The following ZZEF1 variants were observed in gnomAD, a reference collection of about 807,000 sequenced individuals.
The protein encoded by ZZEF1 is zinc finger ZZ-type and EF-hand domain-containing protein 1.
ZZEF1 carries 157 observed loss-of-function variants against 342.8 expected under a neutral mutation model. The observed-to-expected ratio is 0.46, with a 90% CI of 0.40 to 0.52. The LOEUF (loss-of-function observed/expected upper bound fraction) is 0.52, where lower values mean the gene tolerates loss of function less well. Ranked by LOEUF, ZZEF1 falls within the 20% of genes least tolerant of loss-of-function variation. The pLI is 0.00. For synonymous variants in ZZEF1, 1,505 were observed against 1,429.1 expected (o/e 1.05, Z -1.20); for missense variants, 3,480 against 3,725.6 (o/e 0.93, Z 1.72).
chr17:4,010,750 A>G (rs1030707987), intron 52 of ZZEF1, among the ~76,000 whole-genome samples: 3 of 151,048 alleles, frequency 2.0e-5, no homozygotes, highest in Non-Finnish European at 3.0e-5. Flanking sequence ...AAGAAAAAAG[A>G]AAAAAAGCAA....
In ZZEF1 at chr17:4,072,764, G is replaced by A. The variant is rs757154608; in HGVS notation, c.3686-8C>T. On this transcript the variant is annotated splice_region_variant and splice_polypyrimidine_tract_variant and intron_variant, in intron 24 of 54. Coordinates refer to ENST00000381638, the MANE Select transcript of ZZEF1 (RefSeq NM_015113.4). ...CCATGTTACTTCCTAACTCTAGAAAGAGAAGAAGACATATGACAGTTCTAT... is the reference window on the plus strand; with the variant it reads ...CCATGTTACTTCCTAACTCTAGAAAAAGAAGAAGACATATGACAGTTCTAT... 1.2e-6 allele frequency: 2 copies of A among 1,607,216 alleles called. No homozygotes were observed. The highest frequency in any genetic ancestry group is 1.7e-5 in the Admixed American group (1 of 59,164).
intron 2 of ZZEF1, among the ~76,000 whole-genome samples, chr17:4,121,575 G>A (rs534753361): frequency 6.6e-6 from 1 of 152,260 alleles, no homozygotes; most frequent in Non-Finnish European, 1.5e-5. Flanking sequence ...GCAGTGAATG[G>A]AGATCCCACT....
At chr17:4,068,599 A>T (rs190382926) in intron 26 of ZZEF1, among the ~76,000 whole-genome samples, 4 of 152,256 alleles carry the variant, frequency 2.6e-5, no homozygotes, top group East Asian at 3.9e-4. Flanking sequence ...AACAAAAAAA[A>T]TTTTTAAAGA....
chr17:4,009,654 G>A lies in ZZEF1; in HGVS notation c.8683C>T (p.Leu2895=). 1 of 1,614,088 alleles carries A rather than the reference G, an allele frequency of 6.2e-7. No homozygotes were observed. Among genetic ancestry groups the A allele is most frequent in the Non-Finnish European group, 8.5e-7 (1 of 1,180,028 alleles). ...AAGAGCTCAGTGAGGGCACGATGCA[G>A]GGGAAGGAGGATGCCGGGCTGCGTC... ...DVTQPGILLP[L]HRALTELFFV... is the part of the protein sequence containing the mutation. The change falls in exon 53 of 55, where the codon CTG becomes TTG. Residue 2895 remains leucine, a synonymous_variant. Coordinates refer to ENST00000381638, the MANE Select transcript of ZZEF1 (RefSeq NM_015113.4).
chr17:4,044,124 G>A (rs1224684329), intron 38 of ZZEF1, 100 bp downstream of exon 38: 13 of 1,348,306 alleles, frequency 9.6e-6, no homozygotes, highest in Middle Eastern at 1.9e-4. Flanking sequence ...CACCCCTGGC[G>A]TCTAGCCAAT....
At position 4,005,712 on chromosome 17, in the gene ZZEF1, T is replaced by G. The variant is rs2055786525; in HGVS notation, c.*1178A>C. ...TTGGCCTTGGTGGTGGGGCCCCTTC[T>G]CTGGCTCTGGCACTGTGTGGTGGGA... On this transcript the variant is annotated 3_prime_UTR_variant, in exon 55 of 55. Transcript: ENST00000381638. 1 of 152,068 alleles carries G rather than the reference T, an allele frequency of 6.6e-6. No individual in the cohort carries two copies. Among genetic ancestry groups the G allele is most frequent in the African/African-American group, 2.4e-5 (1 of 41,440 alleles). The allele number at this position is 152,068 out of a possible 1,614,324, so 9.4% of individuals were successfully genotyped here. A position where few individuals can be genotyped will look rare whatever the true frequency, so the allele number is the denominator to read the frequency against.
chr17:4,115,603 C>G (rs1017035623), intron 3 of ZZEF1, among the ~76,000 whole-genome samples: 1 of 152,086 alleles, frequency 6.6e-6, no homozygotes, highest in Admixed American at 6.5e-5. Context: ...GTGAAGGTTT[C>G]GGTGAGCCGG....
chr17:4,066,564 C>T (rs1316430197), intron 27 of ZZEF1, 24 bp from the exon 28 acceptor site: 1 of 1,609,116 alleles, frequency 6.2e-7, no homozygotes, highest in South Asian at 1.1e-5. Context: ...TGAGCCACAT[C>T]ATTATGCTGT....
At chr17:4,010,596 G>T (rs992868688) in intron 52 of ZZEF1, among the ~76,000 whole-genome samples, 3 of 150,696 alleles carry the variant, frequency 2.0e-5, no homozygotes, top group African/African-American at 7.3e-5. Flanking sequence ...GTGGTGGTGG[G>T]CGCCTGTAAT....
intron 1 of ZZEF1, 26 bp downstream of exon 1, chr17:4,142,516 C>A (rs771236854): frequency 6.3e-7 from 1 of 1,586,894 alleles, no homozygotes; most frequent in Admixed American, 1.7e-5. Flanking sequence ...CCTGCCCCAT[C>A]CCCGCAGTCG....
rs777288510 is a variant in ZZEF1 at position 4,076,662 on chromosome 17, C to T, written c.3209G>A (p.Ser1070Asn). ...CTTCCTCAGTCCTCCTTCGGGGCCA[C>T]TACAGAGCTTCTTCAGGAGTTCTGT... Reference protein sequence around the residue: ...VLTELLKKLCSGPEGGLRKLD... With the variant: ...VLTELLKKLCNGPEGGLRKLD... The change falls in exon 21 of 55, where the codon AGT becomes AAT. Residue 1070 changes from serine to asparagine, a missense_variant. Physicochemically the swap from Ser to Asn is conservative, Grantham distance 46. This residue lies in a region of ZZEF1 where 1,528 missense variants were observed against 1,624.1 expected (regional missense o/e 0.94). Coordinates refer to ENST00000381638, the MANE Select transcript of ZZEF1 (RefSeq NM_015113.4). The T allele has an allele frequency of 1.9e-6, 3 of 1,612,764 alleles. No individual in the cohort carries two copies. The highest frequency in any genetic ancestry group is 2.5e-6 in the Non-Finnish European group (3 of 1,179,188).
rs2057824992 is a variant in ZZEF1 at position 4,086,375 on chromosome 17, GGCA to G, written c.2512+108_2512+110del. ...TCCCTTTCTGGGGGATTCCCACAGC[GGCA>G]ATCCCTTTCTGGCTCGCATCATCGT... On this transcript the variant is annotated intron_variant, in intron 15 of 54. Transcript: ENST00000381638. The G allele has an allele frequency of 8.9e-4, 36 of 40,348 alleles. 2 individuals carry two copies. The South Asian group carries it at 9.7e-3, about 11-fold the overall frequency. The allele number at this position is 40,348 out of a possible 1,614,324, so 2.5% of individuals were successfully genotyped here.
intron 26 of ZZEF1, among the ~76,000 whole-genome samples, chr17:4,068,665 A>G (rs956333396): frequency 1.3e-5 from 2 of 152,216 alleles, no homozygotes; most frequent in African/African-American, 4.8e-5. Context: ...ATAATATACT[A>G]GAACAGCATG....
chr17:4,028,080 T>G (rs958078928), intron 42 of ZZEF1, among the ~76,000 whole-genome samples: 6 of 152,218 alleles, frequency 3.9e-5, no homozygotes. Flanking sequence ...AATGTTGTTC[T>G]AGGGTTTACA....
intron 46 of ZZEF1, among the ~76,000 whole-genome samples, chr17:4,018,408 C>T (rs2056174500): frequency 6.6e-6 from 1 of 152,046 alleles, no homozygotes; most frequent in African/African-American, 2.4e-5. Flanking sequence ...TACCACCATG[C>T]CTGGACTCCC....
chr17:4,023,124 T>C (rs772120568), intron 43 of ZZEF1, among the ~76,000 whole-genome samples: 2 of 152,244 alleles, frequency 1.3e-5, no homozygotes, highest in Non-Finnish European at 2.9e-5. Flanking sequence ...GGAGGTGTTC[T>C]TTCTGCTCCT....
intron 29 of ZZEF1, among the ~76,000 whole-genome samples, chr17:4,063,942 G>T (rs2057336289): frequency 6.6e-6 from 1 of 151,784 alleles, no homozygotes; most frequent in African/African-American, 2.4e-5. Flanking sequence ...TGGCCAGGCA[G>T]GTCTCGAACA....
chr17:4,031,918 A>G (rs2056557323), intron 42 of ZZEF1, among the ~76,000 whole-genome samples: 1 of 152,190 alleles, frequency 6.6e-6, no homozygotes, highest in East Asian at 1.9e-4. Flanking sequence ...CATATACACA[A>G]AAAGACAGCA....
At chr17:4,024,664 C>T (rs900923348) in intron 43 of ZZEF1, among the ~76,000 whole-genome samples, 4 of 152,152 alleles carry the variant, frequency 2.6e-5, no homozygotes, top group Admixed American at 2.6e-4. Context: ...TTTTTCTTCT[C>T]GTCTGACAAA....
Sources: gnomAD v4.1 joint callset for allele counts (sites outside exome capture counted in the v4.1 genomes callset) on GRCh38, gnomAD v4.1.1 for gene constraint, gnomAD v4.1.1 regional missense constraint, MANE v1.5 for transcripts, NCBI Gene and HGNC (gene_info 2026-07-23, HGNC 2026-07-21) for gene names.